The following MACROD2 variants were observed in gnomAD, a reference collection of about 807,000 sequenced individuals.
MACROD2 encodes the protein mono-ADP ribosylhydrolase 2, also known as ADP-ribose glycohydrolase MACROD2.
A neutral mutation model predicts 70.4 loss-of-function variants in MACROD2; 36 were observed. The ratio of observed to expected loss-of-function variants is 0.51; its 90% CI spans 0.39 to 0.68. The LOEUF (loss-of-function observed/expected upper bound fraction) is 0.68, where lower values mean the gene tolerates loss of function less well. MACROD2 is among the 30% of genes least tolerant of loss of function. MACROD2 has a pLI of 0.00. For synonymous variants in MACROD2, 172 were observed against 178.8 expected, an observed-to-expected ratio of 0.96 and a Z score of 0.30; for missense variants, 496 against 538.4, an observed-to-expected ratio of 0.92 and a Z score of 0.78.
chr20:14,045,875 A>G (rs954485774), intron 2 of MACROD2, among the ~76,000 whole-genome samples: 1 of 152,236 alleles, frequency 6.6e-6, no homozygotes, highest in South Asian at 2.1e-4. Flanking sequence ...AGATATAATA[A>G]TGACCTTGAA....
chr20:15,371,337 C>G (rs2045490519), intron 6 of MACROD2, among the ~76,000 whole-genome samples: 1 of 152,064 alleles, frequency 6.6e-6, no homozygotes, highest in African/African-American at 2.4e-5. Flanking sequence ...AGACAATTTC[C>G]AAAGTAAGTG....
At chr20:15,137,656 A>G (rs1003983805) in intron 5 of MACROD2, among the ~76,000 whole-genome samples, 2 of 151,638 alleles carry the variant, frequency 1.3e-5, no homozygotes, top group Non-Finnish European at 2.9e-5. Context: ...ACATGTATAC[A>G]TATGTAACTA....
At chr20:14,862,666 TAAA>T (rs2073380911) in intron 5 of MACROD2, among the ~76,000 whole-genome samples, 1 of 26,916 alleles carries the variant, frequency 3.7e-5, no homozygotes, top group Non-Finnish European at 6.1e-5. Context: ...AATATATATA[TAAA>T]TATATATAAA....
At chr20:14,071,255 T>TG (rs1215598803) in intron 2 of MACROD2, among the ~76,000 whole-genome samples, 1 of 88,520 alleles carries the variant, frequency 1.1e-5, no homozygotes, top group African/African-American at 4.7e-5. Flanking sequence ...ATCTTGTGTT[T>TG]TTTTTTTTTT....
In MACROD2 at chr20:15,112,980, GTT is replaced by G. The variant is rs1491101957; in HGVS notation, c.419-116958_419-116957del. 7.2e-4 allele frequency among the ~76,000 whole-genome samples: 100 copies of G among 138,630 alleles called. No homozygotes were observed. In the Middle Eastern group the frequency reaches 0.011, roughly 15 times the overall value. 90.9% of individuals were successfully genotyped at this position (138,630 alleles called of 152,430 possible). Reference sequence around the variant, plus strand: ...TGTGTGTGTGTGTGTGTGTGTGTGTGTTTGTGTGTGTATTTATATCACATTTT... The same window carrying G: ...TGTGTGTGTGTGTGTGTGTGTGTGTGTGTGTGTGTATTTATATCACATTTT... On this transcript the variant is annotated intron_variant, in intron 5 of 17. Transcript: ENST00000684519.
chr20:15,405,511 T>C (rs2045988464), intron 6 of MACROD2, among the ~76,000 whole-genome samples: 2 of 152,124 alleles, frequency 1.3e-5, no homozygotes, highest in Non-Finnish European at 2.9e-5. Flanking sequence ...AAGGCAGAAA[T>C]CTCTACTGAA....
At chr20:15,379,713 T>G (rs1275498216) in intron 6 of MACROD2, among the ~76,000 whole-genome samples, 3 of 152,230 alleles carry the variant, frequency 2.0e-5, no homozygotes, top group Non-Finnish European at 2.9e-5. Flanking sequence ...TCATTATTTT[T>G]TATTGAATTT....
intron 15 of MACROD2, among the ~76,000 whole-genome samples, chr20:15,987,717 T>A (rs1168237533): frequency 6.6e-6 from 1 of 152,148 alleles, no homozygotes; most frequent in African/African-American, 2.4e-5. Context: ...TCCTTAAATA[T>A]TAAAGCAGCA....
intron 10 of MACROD2, among the ~76,000 whole-genome samples, chr20:15,899,846 G>A (rs1234542585): frequency 8.6e-5 from 13 of 152,042 alleles, no homozygotes; most frequent in Admixed American, 8.5e-4. Context: ...AATTATATGT[G>A]GAAACATTTT....
chr20:15,106,276 C>T (rs182576711), intron 5 of MACROD2, among the ~76,000 whole-genome samples: 22 of 151,990 alleles, frequency 1.4e-4, no homozygotes, highest in African/African-American at 5.3e-4. Flanking sequence ...AATTTTGTGC[C>T]GTAAGCCTAG....
At chr20:15,586,045 C>T (rs113944528) in intron 8 of MACROD2, among the ~76,000 whole-genome samples, 6 of 152,280 alleles carry the variant, frequency 3.9e-5, no homozygotes, top group African/African-American at 1.2e-4. Flanking sequence ...TCCTAGCCAC[C>T]CTCCAGCTGT....
intron 5 of MACROD2, among the ~76,000 whole-genome samples, chr20:15,025,780 AT>A (rs1458815174): frequency 6.6e-6 from 1 of 152,072 alleles, no homozygotes; most frequent in African/African-American, 2.4e-5. Flanking sequence ...ATCAGATGCC[AT>A]TGGCACCTCC....
At chr20:15,275,066 G>A (rs917175817) in intron 6 of MACROD2, among the ~76,000 whole-genome samples, 8 of 152,152 alleles carry the variant, frequency 5.3e-5, no homozygotes, top group Non-Finnish European at 1.2e-4. Flanking sequence ...TGGGGGAGGT[G>A]CTAAAGGGTG....
intron 12 of MACROD2, among the ~76,000 whole-genome samples, chr20:15,947,926 G>A (rs2065847298): frequency 6.6e-6 from 1 of 151,178 alleles, no homozygotes; most frequent in Non-Finnish European, 1.5e-5. Flanking sequence ...TTTTGCTGGT[G>A]CATCCAATGT....
chr20:14,403,183 C>A (rs543371904), intron 3 of MACROD2, among the ~76,000 whole-genome samples: 65 of 152,080 alleles, frequency 4.3e-4, no homozygotes, highest in African/African-American at 1.5e-3. Flanking sequence ...ATAAAAAAAT[C>A]ACTTCTAAGG....
chr20:15,371,968 A>G (rs1435352953), intron 6 of MACROD2, among the ~76,000 whole-genome samples: 1 of 152,194 alleles, frequency 6.6e-6, no homozygotes, highest in Non-Finnish European at 1.5e-5. Flanking sequence ...AGTGTTTATG[A>G]AAATTTTCAT....
chr20:16,014,435 C>A (rs2066903594), intron 15 of MACROD2, among the ~76,000 whole-genome samples: 1 of 152,202 alleles, frequency 6.6e-6, no homozygotes, highest in African/African-American at 2.4e-5. Flanking sequence ...ACCATGCTCC[C>A]AAGATTGGAA....
rs1460297608 is a variant in MACROD2 at position 15,019,974 on chromosome 20, G to A, written c.419-209966G>A. On this transcript the variant is annotated intron_variant, in intron 5 of 17. Transcript: ENST00000684519. ...AATTTATTCTAGTAATGAAAAGGATGAAATCATTTTTGGGTGGGTAACATT... is the reference window on the plus strand; with the variant it reads ...AATTTATTCTAGTAATGAAAAGGATAAAATCATTTTTGGGTGGGTAACATT... Among the ~76,000 whole-genome samples the A allele has an allele frequency of 2.6e-5, 4 of 152,254 alleles. No individual in the cohort carries two copies. In the East Asian group the frequency reaches 5.8e-4, roughly 22 times the overall value.
At chr20:15,908,928 G>A (rs962361216) in intron 10 of MACROD2, among the ~76,000 whole-genome samples, 30 of 152,344 alleles carry the variant, frequency 2.0e-4, no homozygotes, top group African/African-American at 7.0e-4. Context: ...GGCAAGAGCA[G>A]ACAATGGCTT....
Sources: allele counts gnomAD v4.1 joint callset (sites outside exome capture counted in the v4.1 genomes callset), GRCh38; gene constraint gnomAD v4.1.1; transcripts MANE v1.5; gene names NCBI Gene and HGNC (gene_info 2026-07-23, HGNC 2026-07-21).